Variants in IGSF5 observed in about 807,000 individuals in gnomAD.
IGSF5 encodes the protein immunoglobulin superfamily 5 like.
Under a neutral mutation model 39.4 loss-of-function variants are expected in IGSF5, and 41 were observed. The observed-to-expected ratio is 1.04, with a 90% confidence interval of 0.81 to 1.35. The LOEUF (loss-of-function observed/expected upper bound fraction) is 1.35, where lower values mean the gene tolerates loss of function less well. IGSF5 is among the 40% of genes most tolerant of loss of function. IGSF5 has a pLI of 0.00. For missense variants in IGSF5, 487 were observed against 494.6 expected (o/e 0.98, Z 0.15); for synonymous variants, 183 against 175.3 (o/e 1.04, Z -0.34).
chr21:39,754,283 T>A (rs1331235082), intron 2 of IGSF5, among the ~76,000 whole-genome samples: 3 of 152,246 alleles, frequency 2.0e-5, no homozygotes, highest in Non-Finnish European at 1.5e-5. Flanking sequence ...TGACTGACAA[T>A]CATTTTGTTT....
the IGSF5 span, among the ~76,000 whole-genome samples, chr21:39,738,148 C>G: frequency 1.1e-4 from 17 of 152,214 alleles, no homozygotes; most frequent in Admixed American, 8.5e-4. This position sits in a 1 kb window ranked among gnomAD's most constrained non-coding sequence, Gnocchi z 6.4. Flanking sequence ...AAGGACATAC[C>G]CAAGGCTGGG....
At chr21:39,772,387 T>A (rs1357819826) in intron 4 of IGSF5, among the ~76,000 whole-genome samples, 1 of 152,176 alleles carries the variant, frequency 6.6e-6, no homozygotes, top group African/African-American at 2.4e-5. Context: ...TTGGAGGGTA[T>A]AAGAGGTCCC....
At chr21:39,759,111 G>A (rs2080047834) in intron 2 of IGSF5, among the ~76,000 whole-genome samples, 1 of 151,920 alleles carries the variant, frequency 6.6e-6, no homozygotes, top group African/African-American at 2.4e-5. Flanking sequence ...TCTATTTTAG[G>A]TGGCTAGACA....
chr21:39,733,616 G>A, the IGSF5 span, among the ~76,000 whole-genome samples: 5 of 152,322 alleles, frequency 3.3e-5, no homozygotes, highest in African/African-American at 9.6e-5. Context: ...CCTGGGAAGA[G>A]CTCCACAATT....
chr21:39,778,505 T>A (rs1489259505), intron 4 of IGSF5, among the ~76,000 whole-genome samples: 1 of 152,114 alleles, frequency 6.6e-6, no homozygotes, highest in Non-Finnish European at 1.5e-5. Flanking sequence ...CTAAGGAAGG[T>A]GTCTCCTGAA....
At chr21:39,762,657 A>G (rs1290426691) in intron 2 of IGSF5, among the ~76,000 whole-genome samples, 1 of 152,296 alleles carries the variant, frequency 6.6e-6, no homozygotes, top group East Asian at 1.9e-4. Flanking sequence ...TTGCAGGCCT[A>G]TTTCAAGATA....
chr21:39,714,576 G>A, the IGSF5 span, among the ~76,000 whole-genome samples: 1 of 151,728 alleles, frequency 6.6e-6, no homozygotes, highest in African/African-American at 2.4e-5. Flanking sequence ...GCTCCTCTGA[G>A]GTCACAAGAG....
intron 4 of IGSF5, among the ~76,000 whole-genome samples, chr21:39,772,314 G>T (rs909602175): frequency 6.6e-6 from 1 of 152,212 alleles, no homozygotes; most frequent in African/African-American, 2.4e-5. Context: ...GTGAGTAAAT[G>T]ACAGGCAGTC....
intron 8 of IGSF5, among the ~76,000 whole-genome samples, chr21:39,797,426 C>A (rs1450534392): frequency 6.6e-6 from 1 of 152,090 alleles, no homozygotes; most frequent in South Asian, 2.1e-4. Flanking sequence ...ACCATGTTGG[C>A]CAGGCTGGGC....
chr21:39,792,537 T>A (rs1415787377), intron 7 of IGSF5, among the ~76,000 whole-genome samples: 1 of 124,680 alleles, frequency 8.0e-6, no homozygotes, highest in Non-Finnish European at 2.0e-5. Context: ...ATAAAAAAAA[T>A]TGTTTTTTCC....
intron 2 of IGSF5, among the ~76,000 whole-genome samples, chr21:39,763,516 C>T (rs991060435): frequency 3.3e-5 from 5 of 152,190 alleles, no homozygotes; most frequent in East Asian, 1.9e-4. Context: ...CGTAGTGACA[C>T]GTGTGGCCTC....
At position 39,754,715 on chromosome 21, in the gene IGSF5, A is replaced by G. The variant is rs139752584; in HGVS notation, c.100+8417A>G. ...TAGGTAATTCAAGTCTGCTATAATG[A>G]AATGAAAGACAAGTTAAATCTCAAG... is the stretch of plus-strand genomic sequence containing the variant. On this transcript the variant is annotated intron_variant, in intron 2 of 8. Coordinates refer to ENST00000380588, the MANE Select transcript of IGSF5 (RefSeq NM_001080444.2). 3.0e-3 allele frequency among the ~76,000 whole-genome samples: 463 copies of G among 152,332 alleles called. 1 individual carries two copies. Among genetic ancestry groups the G allele is most frequent in the Middle Eastern group, 6.8e-3 (2 of 294 alleles).
chr21:39,756,948 A>C (rs964079234), intron 2 of IGSF5, among the ~76,000 whole-genome samples: 1 of 151,896 alleles, frequency 6.6e-6, no homozygotes, highest in African/African-American at 2.4e-5. Flanking sequence ...TACCCCATCT[A>C]TCCTGGCCTC....
At chr21:39,781,520 C>A (rs902303031) in intron 5 of IGSF5, among the ~76,000 whole-genome samples, 1 of 152,138 alleles carries the variant, frequency 6.6e-6, no homozygotes, top group Non-Finnish European at 1.5e-5. Context: ...TCAAAAGCTA[C>A]GTGTGTATGT....
intron 3 of IGSF5, among the ~76,000 whole-genome samples, chr21:39,769,467 C>CAAA (rs34427585): frequency 8.8e-5 from 7 of 79,824 alleles, no homozygotes; most frequent in African/African-American, 1.4e-4. Flanking sequence ...AAGTCTGTCT[C>CAAA]AAAAAAAAAA....
chr21:39,798,885 G>C (rs1044381009), intron 8 of IGSF5, among the ~76,000 whole-genome samples: 4 of 152,158 alleles, frequency 2.6e-5, no homozygotes, highest in African/African-American at 7.2e-5. Context: ...GATGCTTTCA[G>C]TGCTGGGAAT....
chr21:39,746,179 C>T (rs780475009), intron 1 of IGSF5, 37 bp from the exon 2 acceptor site: 2 of 701,624 alleles, frequency 2.9e-6, no homozygotes, highest in East Asian at 5.4e-5. Context: ...AGCCTTTAGC[C>T]TGATTGGAAG....
chr21:39,793,493 T>G, intron 7 of IGSF5, 41 bp from the exon 8 acceptor site: 1 of 1,534,152 alleles, frequency 6.5e-7, no homozygotes. Context: ...ACAGCTTGGT[T>G]TTTGCCACTT....
the IGSF5 span, among the ~76,000 whole-genome samples, chr21:39,733,992 A>G: frequency 5.9e-5 from 9 of 152,222 alleles, no homozygotes; most frequent in Admixed American, 6.5e-5. Flanking sequence ...TACATCTGCA[A>G]TGACCCTGTT....
Sources: allele counts gnomAD v4.1 joint callset (sites outside exome capture counted in the v4.1 genomes callset), GRCh38; gene constraint gnomAD v4.1.1; non-coding constraint Gnocchi (gnomAD v3.1); transcripts MANE v1.5; gene names NCBI Gene and HGNC (gene_info 2026-07-23, HGNC 2026-07-21).